The following MICAL3 variants were observed in gnomAD, a reference collection of about 807,000 sequenced individuals.
The protein encoded by MICAL3 is microtubule associated monooxygenase, calponin and LIM domain containing 3.
MICAL3 carries 62 observed loss-of-function variants against 207.4 expected under a neutral mutation model. The observed-to-expected ratio is 0.30, with a 90% CI of 0.24 to 0.37. The LOEUF is 0.37. MICAL3 is among the 10% of genes least tolerant of loss of function. The pLI, the probability that MICAL3 is intolerant of heterozygous loss-of-function variation, is 1.00. For missense variants in MICAL3, 2,368 were observed against 2,635.6 expected (o/e 0.90, Z 2.22); for synonymous variants, 1,077 against 1,069.3 (o/e 1.01, Z -0.14).
intron 1 of MICAL3, among the ~76,000 whole-genome samples, chr22:18,002,353 G>A (rs557060062): frequency 8.3e-4 from 127 of 152,240 alleles, no homozygotes; most frequent in African/African-American, 1.2e-3. Context: ...AGCAGAGGGC[G>A]GGCGCGGTGG....
At chr22:17,976,756 T>C (rs2146425336) in intron 1 of MICAL3, among the ~76,000 whole-genome samples, 1 of 150,556 alleles carries the variant, frequency 6.6e-6, no homozygotes, top group Non-Finnish European at 1.5e-5. Flanking sequence ...ACATAAGTTC[T>C]GAGTATTAAA....
At chr22:17,875,158 AT>A (rs1928156341) in intron 16 of MICAL3, 1 of 188,618 alleles carries the variant, frequency 5.3e-6, no homozygotes. Flanking sequence ...CAAAACATTT[AT>A]CATTATTTGA....
chr22:17,896,626 A>G (rs916499801), intron 8 of MICAL3, 98 bp downstream of exon 8: 10 of 1,288,616 alleles, frequency 7.8e-6, no homozygotes, highest in Non-Finnish European at 1.1e-5. Flanking sequence ...CCTGTGCTGT[A>G]CAACACTGCA....
chr22:18,005,427 CT>C (rs1202604103), intron 1 of MICAL3: 2 of 152,178 alleles, frequency 1.3e-5, no homozygotes, highest in Non-Finnish European at 2.9e-5. Context: ...ACACTGCATT[CT>C]TTCCATTGCA....
intron 29 of MICAL3, among the ~76,000 whole-genome samples, chr22:17,795,041 A>G (rs1413752583): frequency 2.6e-5 from 4 of 152,242 alleles, no homozygotes; most frequent in African/African-American, 9.6e-5. Context: ...AGCTGCATGA[A>G]TACAGGTGTT....
chr22:17,956,956 G>A (rs988665840), intron 1 of MICAL3, among the ~76,000 whole-genome samples: 3 of 152,168 alleles, frequency 2.0e-5, no homozygotes, highest in Admixed American at 6.5e-5. Context: ...ATGTTTTCCA[G>A]GTTCTGGTTA....
intron 19 of MICAL3, among the ~76,000 whole-genome samples, chr22:17,844,673 G>A (rs1250793722): frequency 6.6e-6 from 1 of 152,202 alleles, no homozygotes; most frequent in Non-Finnish European, 1.5e-5. Context: ...CTTGTGCCCT[G>A]TACACGTGCC....
At chr22:17,863,176 G>GA (rs1926702162) in intron 19 of MICAL3, 2 of 985,410 alleles carry the variant, frequency 2.0e-6, no homozygotes, top group South Asian at 9.4e-5. Context: ...GACCAGATGG[G>GA]AAAGTCAGCA....
intron 1 of MICAL3, among the ~76,000 whole-genome samples, chr22:17,969,969 G>A (rs1388106279): frequency 6.6e-6 from 1 of 152,194 alleles, no homozygotes; most frequent in African/African-American, 2.4e-5. Flanking sequence ...AGAGGAGAAG[G>A]GCACTCTGAG....
chr22:17,829,113 T>C (rs1260318638), intron 21 of MICAL3, among the ~76,000 whole-genome samples: 1 of 152,058 alleles, frequency 6.6e-6, no homozygotes, highest in Non-Finnish European at 1.5e-5. Context: ...CTGGTCTCTA[T>C]AGATGTTGCT....
chr22:17,988,013 G>A (rs540118684), intron 1 of MICAL3, among the ~76,000 whole-genome samples: 1 of 152,278 alleles, frequency 6.6e-6, no homozygotes, highest in Admixed American at 6.5e-5. Context: ...ACAGCAGGGG[G>A]CACCTGCTGC....
chr22:17,978,039 T>C (rs1019382344), intron 1 of MICAL3, among the ~76,000 whole-genome samples: 1 of 140,972 alleles, frequency 7.1e-6, no homozygotes, highest in East Asian at 1.9e-4. Flanking sequence ...AATAAATAAA[T>C]AATAAAATAA....
chr22:17,895,342 C>A lies in MICAL3; in HGVS notation c.1391G>T (p.Ser464Ile). ...ENVSKNFSQY[S>I]IDPVTRYPNI... is the part of the protein sequence containing the mutation. ...GGGATACCGAGTGACAGGGTCGATA[C>A]TGTACTGGCTGAAGTTCTTACTCAC... Residue 464 changes from serine (S) to isoleucine (I), a missense_variant, in exon 10 of 32, where the codon AGT becomes ATT. Around this residue, in one of 4 missense-constraint regions of MICAL3, gnomAD observed 147 missense variants for 137.7 expected, o/e 1.07. Coordinates refer to ENST00000441493, the MANE Select transcript of MICAL3 (RefSeq NM_015241.3). The A allele has an allele frequency of 6.2e-7, 1 of 1,613,806 alleles. No individual in the cohort carries two copies. The highest frequency in any genetic ancestry group is 8.5e-7 in the Non-Finnish European group (1 of 1,179,814).
At chr22:17,917,749 G>C (rs1384321040) in intron 1 of MICAL3, among the ~76,000 whole-genome samples, 1 of 152,222 alleles carries the variant, frequency 6.6e-6, no homozygotes, top group Non-Finnish European at 1.5e-5. Context: ...CAGCCATGCA[G>C]AGTGCCCCTC....
At chr22:17,854,464 A>G (rs1020307411) in intron 19 of MICAL3, among the ~76,000 whole-genome samples, 1 of 152,190 alleles carries the variant, frequency 6.6e-6, no homozygotes, top group South Asian at 2.1e-4. Flanking sequence ...GTGGCTGCCA[A>G]GGTGCAATGC....
intron 1 of MICAL3, among the ~76,000 whole-genome samples, chr22:17,921,820 C>T (rs1451023267): frequency 1.3e-5 from 2 of 152,092 alleles, no homozygotes; most frequent in Non-Finnish European, 2.9e-5. Flanking sequence ...CGCTCCAATA[C>T]ATCCTCCACG....
chr22:17,813,613 G>C (rs1441408642), intron 27 of MICAL3: 1 of 152,268 alleles, frequency 6.6e-6, no homozygotes, highest in Admixed American at 6.5e-5. Context: ...AAGCCCACAG[G>C]AACTATGGAC....
intron 1 of MICAL3, among the ~76,000 whole-genome samples, chr22:18,014,429 C>T (rs1923930040): frequency 6.6e-6 from 1 of 152,186 alleles, no homozygotes; most frequent in Non-Finnish European, 1.5e-5. Context: ...AAGAGAACAG[C>T]TTTTCCAAGT....
intron 1 of MICAL3, among the ~76,000 whole-genome samples, chr22:17,927,158 AC>A (rs1319059327): frequency 2.0e-5 from 3 of 152,162 alleles, no homozygotes; most frequent in Non-Finnish European, 4.4e-5. Context: ...TATTCCAGGT[AC>A]CTCATATAAG....
Sources: gnomAD v4.1 joint callset for allele counts (sites outside exome capture counted in the v4.1 genomes callset) on GRCh38, gnomAD v4.1.1 for gene constraint, gnomAD v4.1.1 regional missense constraint, MANE v1.5 for transcripts, NCBI Gene and HGNC (gene_info 2026-07-23, HGNC 2026-07-21) for gene names.